XPO4: variants seen among roughly 807,000 people sequenced by gnomAD.
The protein encoded by XPO4 is exportin-4.
XPO4 carries 39 observed loss-of-function variants against 143.0 expected under a neutral mutation model. That is an observed-to-expected ratio of 0.27 (90% confidence interval 0.21 to 0.36). The LOEUF is 0.36. Among genes scored for constraint, XPO4 ranks in the 10% least tolerant of loss-of-function variants. The pLI, the probability that XPO4 is intolerant of heterozygous loss-of-function variation, is 1.00. For missense variants in XPO4, 907 were observed against 1,348.0 expected (o/e 0.67, Z 5.12); for synonymous variants, 439 against 474.0 (o/e 0.93, Z 0.96).
At chr13:20,835,544 A>G (rs1277089140) in intron 6 of XPO4, among the ~76,000 whole-genome samples, 1 of 152,170 alleles carries the variant, frequency 6.6e-6, no homozygotes, top group Non-Finnish European at 1.5e-5. Flanking sequence ...TAACACCACA[A>G]TATCACATTT....
At chr13:20,811,191 A>T (rs1415076598) in intron 9 of XPO4, among the ~76,000 whole-genome samples, 1 of 152,136 alleles carries the variant, frequency 6.6e-6, no homozygotes, top group Non-Finnish European at 1.5e-5. Flanking sequence ...CAAGAAACAG[A>T]TCAAAGGCCT....
At chr13:20,850,202 GATT>G in intron 4 of XPO4, 1 of 985,162 alleles carries the variant, frequency 1.0e-6, no homozygotes, top group Non-Finnish European at 1.2e-6. Context: ...AAAAACACAT[GATT>G]TATTATAGTT....
chr13:20,894,663 A>T (rs559163046), intron 1 of XPO4, among the ~76,000 whole-genome samples: 108 of 151,938 alleles, frequency 7.1e-4, no homozygotes, highest in Middle Eastern at 3.4e-3. Flanking sequence ...CCAACATGGT[A>T]AAACCCCGTC....
chr13:20,780,131 CACAA>C lies in XPO4; in HGVS notation c.*3587_*3590del, dbSNP rs996289238. ...TTCCTTATTCTCTGGTTTTAGAAAA[CACAA>C]ACAAACCTTAAGAAGTACCGAGGTT... On this transcript the variant is annotated 3_prime_UTR_variant, in exon 23 of 23. Coordinates refer to ENST00000255305, the MANE Select transcript of XPO4 (RefSeq NM_022459.5). The C allele has an allele frequency of 7.2e-5, 11 of 152,118 alleles. No individual in the cohort carries two copies. Among genetic ancestry groups the C allele is most frequent in the African/African-American group, 2.4e-4 (10 of 41,430 alleles). 9.4% of individuals were successfully genotyped at this position (152,118 alleles called of 1,614,324 possible).
intron 4 of XPO4, chr13:20,850,406 T>C (rs769236653): frequency 1.4e-5 from 5 of 362,926 alleles, no homozygotes; most frequent in Non-Finnish European, 1.9e-5. Flanking sequence ...GAATCCAAAA[T>C]CAGTGTTCTA....
intron 3 of XPO4, among the ~76,000 whole-genome samples, chr13:20,861,847 G>A (rs2060203291): frequency 8.0e-6 from 1 of 125,468 alleles, no homozygotes; most frequent in Admixed American, 1.0e-4. Flanking sequence ...GTGCAGTGAT[G>A]CAATGATCTC....
intron 20 of XPO4, 106 bp downstream of exon 20, chr13:20,788,380 T>A: frequency 1.4e-6 from 2 of 1,457,190 alleles, no homozygotes; most frequent in Non-Finnish European, 1.8e-6. Flanking sequence ...GAAATAAAAT[T>A]GAACCATAAA....
chr13:20,783,056 A>G lies in XPO4; in HGVS notation c.*666T>C, dbSNP rs1194496338. On this transcript the variant is annotated 3_prime_UTR_variant, in exon 23 of 23. Coordinates refer to ENST00000255305, the MANE Select transcript of XPO4 (RefSeq NM_022459.5). ...AAGCAAGCTAAGAAAAAGCCAACAA[A>G]CCCCTGGTGATGTTTCCCCTTCCTG... is the stretch of plus-strand genomic sequence containing the variant. The G allele has an allele frequency of 6.6e-6, 1 of 152,070 alleles. No individual in the cohort carries two copies. The highest frequency in any genetic ancestry group is 1.5e-5 in the Non-Finnish European group (1 of 68,026). The allele number at this position is 152,070 out of a possible 1,614,324, so 9.4% of individuals were successfully genotyped here. A position where few individuals can be genotyped will look rare whatever the true frequency, so the allele number is the denominator to read the frequency against.
At chr13:20,790,779 C>G (rs942864226) in intron 18 of XPO4, among the ~76,000 whole-genome samples, 199 bp from the exon 19 acceptor site, 2 of 152,140 alleles carry the variant, frequency 1.3e-5, no homozygotes, top group African/African-American at 4.8e-5. Flanking sequence ...AAAAAAAGAT[C>G]TGAGACCCCA....
At chr13:20,892,269 G>C (rs2060525719) in intron 1 of XPO4, among the ~76,000 whole-genome samples, 1 of 152,002 alleles carries the variant, frequency 6.6e-6, no homozygotes, top group Non-Finnish European at 1.5e-5. Context: ...TGTATTTTTA[G>C]TAGACATGGG....
At chr13:20,867,509 G>A (rs372048216) in intron 2 of XPO4, among the ~76,000 whole-genome samples, 65 of 152,120 alleles carry the variant, frequency 4.3e-4, no homozygotes, top group African/African-American at 1.5e-3. Context: ...AAATGGTATC[G>A]TTATTGCCAT....
intron 16 of XPO4, among the ~76,000 whole-genome samples, chr13:20,797,393 G>A (rs2059373098): frequency 6.6e-6 from 1 of 151,966 alleles, no homozygotes. Flanking sequence ...TTGGCCCATG[G>A]GCTGCAGCTT....
At chr13:20,851,711 C>CAAAAAA (rs11340357) in intron 4 of XPO4, 4 of 781,328 alleles carry the variant, frequency 5.1e-6, no homozygotes, top group South Asian at 6.3e-5. Flanking sequence ...CCCGGTCTCA[C>CAAAAAA]AAAAAAAAAA....
At chr13:20,876,683 C>T (rs1250640243) in intron 1 of XPO4, among the ~76,000 whole-genome samples, 1 of 152,120 alleles carries the variant, frequency 6.6e-6, no homozygotes, top group Non-Finnish European at 1.5e-5. Context: ...ATATTAAAAT[C>T]ATAACCTCCT....
chr13:20,835,933 T>C (rs1289871466), intron 6 of XPO4, among the ~76,000 whole-genome samples: 1 of 152,208 alleles, frequency 6.6e-6, no homozygotes, highest in Non-Finnish European at 1.5e-5. Flanking sequence ...GAACACTAAA[T>C]ATCATTTATC....
At chr13:20,863,197 A>G in intron 2 of XPO4, 1 of 834,918 alleles carries the variant, frequency 1.2e-6, no homozygotes, top group Non-Finnish European at 1.5e-6. Flanking sequence ...TAAGATTCTC[A>G]CCCTGTGCAA....
intron 1 of XPO4, among the ~76,000 whole-genome samples, chr13:20,881,583 A>T (rs1408197141): frequency 1.3e-5 from 2 of 152,010 alleles, no homozygotes; most frequent in East Asian, 3.9e-4. Context: ...AATTTTTTTT[A>T]AAAGCAAGAT....
At chr13:20,817,849 G>A (rs1488396152) in intron 9 of XPO4, among the ~76,000 whole-genome samples, 1 of 152,132 alleles carries the variant, frequency 6.6e-6, no homozygotes, top group Non-Finnish European at 1.5e-5. Context: ...AGGCTGGAGT[G>A]CAGTGGCATG....
intron 6 of XPO4, among the ~76,000 whole-genome samples, chr13:20,835,883 G>A (rs1016602370): frequency 2.0e-5 from 3 of 152,026 alleles, no homozygotes; most frequent in South Asian, 2.1e-4. Context: ...ACTAGAAGAC[G>A]AAGATGAAGA....
Sources: gnomAD v4.1 joint callset for allele counts (sites outside exome capture counted in the v4.1 genomes callset) on GRCh38, gnomAD v4.1.1 for gene constraint, MANE v1.5 for transcripts, NCBI Gene and HGNC (gene_info 2026-07-23, HGNC 2026-07-21) for gene names.